The following CDIN1 variants were observed in gnomAD, a reference collection of about 807,000 sequenced individuals.
CDIN1 encodes the protein CDAN1-interacting nuclease 1.
A neutral mutation model predicts 45.3 loss-of-function variants in CDIN1; 33 were observed. The ratio of observed to expected loss-of-function variants is 0.73; its 90% CI spans 0.55 to 0.97. The LOEUF (loss-of-function observed/expected upper bound fraction) is 0.97, where lower values mean the gene tolerates loss of function less well. Among genes scored for constraint, CDIN1 ranks in the 50% least tolerant of loss-of-function variants. The probability of loss-of-function intolerance (pLI) is 0.00; values close to 1 mark genes in which losing one functional copy is unlikely to be tolerated. For synonymous variants in CDIN1, 118 were observed against 124.4 expected (o/e 0.95, Z 0.34); for missense variants, 303 against 339.4 (o/e 0.89, Z 0.84).
At chr15:36,751,804 A>G (rs1192798705) in intron 10 of CDIN1, among the ~76,000 whole-genome samples, 1 of 152,208 alleles carries the variant, frequency 6.6e-6, no homozygotes, top group African/African-American at 2.4e-5. Context: ...ACACCATGGA[A>G]TACTATGCAG....
intron 10 of CDIN1, among the ~76,000 whole-genome samples, chr15:36,742,182 G>A (rs1595544411): frequency 1.3e-5 from 2 of 152,092 alleles, no homozygotes; most frequent in African/African-American, 4.8e-5. Context: ...AGGAAGGATT[G>A]AAATTACAGG....
chr15:36,712,824 A>G (rs773558871), intron 10 of CDIN1, among the ~76,000 whole-genome samples: 1 of 152,120 alleles, frequency 6.6e-6, no homozygotes, highest in Non-Finnish European at 1.5e-5. Context: ...TTAAACAACT[A>G]CTCAAAACTC....
At chr15:36,724,212 G>C (rs754108776) in intron 10 of CDIN1, among the ~76,000 whole-genome samples, 2 of 152,072 alleles carry the variant, frequency 1.3e-5, no homozygotes, top group African/African-American at 2.4e-5. Flanking sequence ...AGATTGAATA[G>C]AAACAAGAAT....
chr15:36,590,151 C>T (rs940647175), intron 1 of CDIN1, among the ~76,000 whole-genome samples: 2 of 152,106 alleles, frequency 1.3e-5, no homozygotes, highest in African/African-American at 2.4e-5. Flanking sequence ...ATTCTGGCTT[C>T]GTGACAGCAA....
chr15:36,654,430 A>G (rs746123377), intron 4 of CDIN1, among the ~76,000 whole-genome samples: 14 of 151,834 alleles, frequency 9.2e-5, no homozygotes, highest in Non-Finnish European at 1.8e-4. Context: ...ATTTCAACCA[A>G]ACAGCTCAGG....
chr15:36,792,282 T>G (rs1298870187), intron 10 of CDIN1, among the ~76,000 whole-genome samples: 1 of 152,142 alleles, frequency 6.6e-6, no homozygotes, highest in Non-Finnish European at 1.5e-5. Context: ...GAAGTGTAGC[T>G]CTCTCTTGTC....
intron 10 of CDIN1, among the ~76,000 whole-genome samples, chr15:36,765,057 C>CTTT (rs377685100): frequency 0.024 from 3,351 of 139,546 alleles, 217 homozygotes; most frequent in African/African-American, 0.066. Context: ...ATTTTTCTTT[C>CTTT]TTTCTTTTTT....
chr15:36,797,478 C>G (rs1566980555), intron 10 of CDIN1, among the ~76,000 whole-genome samples: 2 of 152,188 alleles, frequency 1.3e-5, no homozygotes, highest in Non-Finnish European at 2.9e-5. Flanking sequence ...TGCTCACAGC[C>G]TTGCAGCCAC....
At chr15:36,669,844 G>T (rs1358328869) in intron 5 of CDIN1, among the ~76,000 whole-genome samples, 1 of 151,920 alleles carries the variant, frequency 6.6e-6, no homozygotes, top group Non-Finnish European at 1.5e-5. Context: ...CATATCAAGG[G>T]GTATGTGGTA....
At chr15:36,629,916 A>G (rs896971019) in intron 1 of CDIN1, among the ~76,000 whole-genome samples, 6 of 152,188 alleles carry the variant, frequency 3.9e-5, no homozygotes, top group African/African-American at 1.4e-4. Context: ...GCATACATAT[A>G]TATGTATATT....
At chr15:36,583,757 C>T (rs1453789808) in intron 1 of CDIN1, among the ~76,000 whole-genome samples, 3 of 152,300 alleles carry the variant, frequency 2.0e-5, no homozygotes, top group Middle Eastern at 3.4e-3. Flanking sequence ...TGGCTCAAGC[C>T]TGTAATCCCG....
intron 10 of CDIN1, among the ~76,000 whole-genome samples, chr15:36,789,013 T>A (rs2054579208): frequency 6.6e-6 from 1 of 152,236 alleles, no homozygotes; most frequent in African/African-American, 2.4e-5. Flanking sequence ...ATTGTTTTGG[T>A]CCACACATAA....
At chr15:36,654,935 A>G (rs1414184917) in intron 4 of CDIN1, among the ~76,000 whole-genome samples, 1 of 152,264 alleles carries the variant, frequency 6.6e-6, no homozygotes. Flanking sequence ...TGCTTATGCA[A>G]ACCTCGTAGG....
chr15:36,773,673 T>C (rs2054135812), intron 10 of CDIN1, among the ~76,000 whole-genome samples: 1 of 152,114 alleles, frequency 6.6e-6, no homozygotes, highest in African/African-American at 2.4e-5. Context: ...AGCATAGAAA[T>C]GCTAAAGAAC....
Position 36,773,951 on chromosome 15 carries a change from C to A in CDIN1, c.717-34373C>A, listed in dbSNP as rs145811543. Among the ~76,000 whole-genome samples the A allele has an allele frequency of 6.7e-3, 1,024 of 152,336 alleles. 9 individuals are homozygous for A. Among genetic ancestry groups the A allele is most frequent in the African/African-American group, 0.023 (946 of 41,576 alleles). ...TGACACCTCTGAAAGCTACTTCCTGCACACCAGAAGCATAGTTTGGCATGG... is the reference window on the plus strand; with the variant it reads ...TGACACCTCTGAAAGCTACTTCCTGAACACCAGAAGCATAGTTTGGCATGG... On this transcript the variant is annotated intron_variant, in intron 10 of 10. Transcript: ENST00000566621.
intron 10 of CDIN1, among the ~76,000 whole-genome samples, chr15:36,769,161 C>T (rs2054002174): frequency 6.6e-6 from 1 of 151,964 alleles, no homozygotes; most frequent in African/African-American, 2.4e-5. Context: ...CATTTATTAC[C>T]CCAGAGGTAG....
In CDIN1 at chr15:36,689,517, G is replaced by A. The variant is rs1268811677; in HGVS notation, c.347-2168G>A. The stretch of plus-strand genomic sequence containing the variant: ...TCTTAGGCCTCTGCTGGCATTATGG[G>A]CAACATAAAAGAATGTGTCTGCCAT... On this transcript the variant is annotated intron_variant, in intron 5 of 10. Coordinates refer to ENST00000566621, the MANE Select transcript of CDIN1 (RefSeq NM_001321759.2). 2.6e-5 allele frequency among the ~76,000 whole-genome samples: 4 copies of A among 152,222 alleles called. No homozygotes were observed. The East Asian group carries it at 7.7e-4, about 29-fold the overall frequency.
intron 1 of CDIN1, among the ~76,000 whole-genome samples, chr15:36,597,765 T>G (rs2037906174): frequency 6.6e-6 from 1 of 152,220 alleles, no homozygotes; most frequent in South Asian, 2.1e-4. Context: ...GTGGTTTCTT[T>G]GCTCCACATG....
At chr15:36,795,843 C>T (rs575386749) in intron 10 of CDIN1, among the ~76,000 whole-genome samples, 14 of 152,232 alleles carry the variant, frequency 9.2e-5, no homozygotes, top group Non-Finnish European at 1.6e-4. Flanking sequence ...GGTGGGATTA[C>T]AGGAATGAAC....
Sources: allele counts gnomAD v4.1 joint callset (sites outside exome capture counted in the v4.1 genomes callset), GRCh38; gene constraint gnomAD v4.1.1; transcripts MANE v1.5; gene names NCBI Gene and HGNC (gene_info 2026-07-23, HGNC 2026-07-21).